The following TMTC2 variants were observed in gnomAD, a reference collection of about 807,000 sequenced individuals.
The protein encoded by TMTC2 is transmembrane O-mannosyltransferase targeting cadherins 2, also known as protein O-mannosyl-transferase TMTC2.
TMTC2 carries 43 observed loss-of-function variants against 82.4 expected under a neutral mutation model. That is an observed-to-expected ratio of 0.52 (90% CI 0.41 to 0.67). TMTC2 has a LOEUF of 0.67. Among genes scored for constraint, TMTC2 ranks in the 30% least tolerant of loss-of-function variants. The probability of loss-of-function intolerance (pLI) is 0.00; values close to 1 mark genes in which losing one functional copy is unlikely to be tolerated. For missense variants in TMTC2, 919 were observed against 1,012.4 expected (o/e 0.91, Z 1.25); for synonymous variants, 408 against 381.9 (o/e 1.07, Z -0.80).
At chr12:82,961,192 C>CTATTATTATTAT (rs139490507) in intron 4 of TMTC2, among the ~76,000 whole-genome samples, 5 of 146,234 alleles carry the variant, frequency 3.4e-5, no homozygotes, top group African/African-American at 1.0e-4. Context: ...TTCTCTGCCA[C>CTATTATTATTAT]TATTATTATT....
rs1412051887 is a variant in TMTC2 at position 82,857,287 on chromosome 12, T to G, written c.361T>G (p.Leu121Val). ...GDGYWTFMAG[L>V]MFASHPIHTE... is the part of the protein sequence containing the mutation. Reference sequence around the variant, plus strand: ...TGGATACTGGACATTCATGGCTGGCTTGATGTTTGCTTCTCACCCCATTCA... The same window carrying G: ...TGGATACTGGACATTCATGGCTGGCGTGATGTTTGCTTCTCACCCCATTCA... Residue 121 changes from leucine (L) to valine (V), a missense_variant, in exon 2 of 12, where the codon TTG (leucine) becomes GTG (valine). Physicochemically the swap from Leu to Val is conservative, Grantham distance 32. Transcript: ENST00000321196. The G allele has an allele frequency of 3.1e-6, 5 of 1,614,212 alleles. No individual in the cohort carries two copies. In the African/African-American group the frequency reaches 6.7e-5, roughly 22 times the overall value.
chr12:82,701,233 A>G (rs1873061530), intron 1 of TMTC2, among the ~76,000 whole-genome samples: 1 of 152,222 alleles, frequency 6.6e-6, no homozygotes, highest in African/African-American at 2.4e-5. Context: ...ATGAAAATAC[A>G]GACTTAGTTT....
chr12:82,727,265 T>C (rs1011234946), intron 1 of TMTC2, among the ~76,000 whole-genome samples: 9 of 152,172 alleles, frequency 5.9e-5, no homozygotes, highest in African/African-American at 7.2e-5. Flanking sequence ...TATGTATCGA[T>C]ATATTTATTT....
intron 1 of TMTC2, among the ~76,000 whole-genome samples, chr12:82,847,293 T>C (rs1419833934): frequency 6.6e-6 from 1 of 152,192 alleles, no homozygotes; most frequent in African/African-American, 2.4e-5. Context: ...GAGTAGAGGT[T>C]AGTGGCCTGA....
At chr12:83,044,121 C>A (rs2137444825) in intron 9 of TMTC2, among the ~76,000 whole-genome samples, 2 of 152,176 alleles carry the variant, frequency 1.3e-5, no homozygotes, top group Admixed American at 1.3e-4. Context: ...AAGATCACTG[C>A]AAGATATGGA....
At chr12:82,828,832 G>A (rs1430359788) in intron 1 of TMTC2, among the ~76,000 whole-genome samples, 1 of 151,940 alleles carries the variant, frequency 6.6e-6, no homozygotes, top group Non-Finnish European at 1.5e-5. Context: ...GGAAATTCAG[G>A]AACTAATTAT....
At chr12:83,118,960 C>T (rs185542320) in intron 11 of TMTC2, among the ~76,000 whole-genome samples, 314 of 152,128 alleles carry the variant, frequency 2.1e-3, no homozygotes, top group African/African-American at 6.9e-3. Context: ...TTCATAGTGG[C>T]GCTGAATGAT....
intron 1 of TMTC2, among the ~76,000 whole-genome samples, chr12:82,813,095 T>C (rs1263613061): frequency 1.3e-5 from 2 of 151,354 alleles, no homozygotes; most frequent in Admixed American, 1.3e-4. Context: ...TGTAATAGTG[T>C]TTATCTGTAT....
intron 1 of TMTC2, chr12:82,758,425 T>A (rs146239623): frequency 6.6e-6 from 1 of 152,174 alleles, no homozygotes; most frequent in African/African-American, 2.4e-5. Context: ...TATCAAAAAA[T>A]GGTGTGGATT....
At chr12:83,048,110 A>C (rs924874221) in intron 9 of TMTC2, among the ~76,000 whole-genome samples, 13 of 152,196 alleles carry the variant, frequency 8.5e-5, no homozygotes, top group African/African-American at 2.9e-4. Context: ...CGTTTGCTTA[A>C]ATATTATGTT....
At chr12:82,746,671 A>T (rs1212493607) in intron 1 of TMTC2, among the ~76,000 whole-genome samples, 1 of 152,214 alleles carries the variant, frequency 6.6e-6, no homozygotes, top group Non-Finnish European at 1.5e-5. Flanking sequence ...GTCCCAAATC[A>T]GTTGGCCTTA....
chr12:82,869,410 C>T (rs951197237), intron 2 of TMTC2, among the ~76,000 whole-genome samples: 3 of 152,150 alleles, frequency 2.0e-5, no homozygotes, highest in African/African-American at 7.2e-5. Context: ...TTGGAACCCA[C>T]TGATGTACAT....
intron 4 of TMTC2, among the ~76,000 whole-genome samples, chr12:82,950,257 A>T (rs960963475): frequency 2.0e-5 from 3 of 152,190 alleles, no homozygotes; most frequent in Non-Finnish European, 4.4e-5. Context: ...TGCTAATTGC[A>T]AGGGTGGAAA....
At chr12:83,008,200 T>C (rs1331767606) in intron 8 of TMTC2, among the ~76,000 whole-genome samples, 1 of 152,224 alleles carries the variant, frequency 6.6e-6, no homozygotes, top group East Asian at 1.9e-4. Flanking sequence ...ATGTATCTTA[T>C]TGGTGGCCTT....
chr12:82,731,170 C>T (rs1424466935), intron 1 of TMTC2, among the ~76,000 whole-genome samples: 1 of 152,202 alleles, frequency 6.6e-6, no homozygotes, highest in East Asian at 1.9e-4. Context: ...TGCATTGTCT[C>T]AGAGTCTGCA....
intron 2 of TMTC2, among the ~76,000 whole-genome samples, chr12:82,862,678 ATC>A (rs1350897395): frequency 6.6e-6 from 1 of 152,182 alleles, no homozygotes; most frequent in Non-Finnish European, 1.5e-5. Flanking sequence ...TTTTCCAGTC[ATC>A]TCTTTCTAGA....
intron 11 of TMTC2, among the ~76,000 whole-genome samples, chr12:83,074,979 C>T (rs183567751): frequency 6.5e-4 from 99 of 152,308 alleles, no homozygotes; most frequent in African/African-American, 2.1e-3. Context: ...CTCTGGCCAC[C>T]CTCCTGATGG....
Position 83,030,778 on chromosome 12 carries a change from C to G in TMTC2, c.2071-20C>G, listed in dbSNP as rs1056392453. 9 of 1,590,466 alleles carry G rather than the reference C, an allele frequency of 5.7e-6. No homozygotes were observed. Among genetic ancestry groups the G allele is most frequent in the Non-Finnish European group, 7.8e-6 (9 of 1,158,886 alleles). On this transcript the variant is annotated intron_variant, in intron 8 of 11. Coordinates refer to ENST00000321196, the MANE Select transcript of TMTC2 (RefSeq NM_152588.3). ...CCTCATGATCTGTTCCTGAATCATCCATTTTCTCTGTTTTTCAAGGGTCGT... is the reference window on the plus strand; with the variant it reads ...CCTCATGATCTGTTCCTGAATCATCGATTTTCTCTGTTTTTCAAGGGTCGT...
intron 1 of TMTC2, among the ~76,000 whole-genome samples, chr12:82,802,800 G>T (rs1592533980): frequency 1.3e-5 from 2 of 152,184 alleles, no homozygotes; most frequent in East Asian, 3.9e-4. Context: ...TAGACTTTGT[G>T]GTAGAAAATT....
Sources: gnomAD v4.1 joint callset for allele counts (sites outside exome capture counted in the v4.1 genomes callset) on GRCh38, gnomAD v4.1.1 for gene constraint, MANE v1.5 for transcripts, NCBI Gene and HGNC (gene_info 2026-07-23, HGNC 2026-07-21) for gene names.